The following SIPA1L3 variants were observed in gnomAD, a reference collection of about 807,000 sequenced individuals.
SIPA1L3 encodes the protein signal-induced proliferation-associated 1-like protein 3.
In SIPA1L3, 59 loss-of-function variants were observed where a neutral mutation model predicts 150.1. The ratio of observed to expected loss-of-function variants is 0.39; its 90% CI spans 0.32 to 0.49. The LOEUF is 0.49. Ranked by LOEUF, SIPA1L3 falls within the 20% of genes least tolerant of loss-of-function variation. SIPA1L3 has a pLI of 0.86. For missense variants in SIPA1L3, 2,211 were observed against 2,489.5 expected (o/e 0.89, Z 2.38); for synonymous variants, 1,070 against 1,077.6 (o/e 0.99, Z 0.14).
Position 38,182,697 on chromosome 19 carries a change from G to A in SIPA1L3, c.4387G>A (p.Glu1463Lys). The part of the protein sequence containing the change: ...NKHPTGWKRT[E>K]EPPPRPLPFS... ...GCACCCAACAGGGTGGAAGAGAACG[G>A]AGGAGCCCCCACCACGGCCACTCCC... Residue 1463 changes from glutamate to lysine, a missense_variant, in exon 16 of 22, where the codon GAG becomes AAG. Around this residue, in one of 5 missense-constraint regions of SIPA1L3, gnomAD observed 806 missense variants for 870.1 expected, o/e 0.93. Coordinates refer to ENST00000222345, the MANE Select transcript of SIPA1L3 (RefSeq NM_015073.3). 1 of 1,614,038 alleles carries A rather than the reference G, an allele frequency of 6.2e-7. No homozygotes were observed. Among genetic ancestry groups the A allele is most frequent in the Non-Finnish European group, 8.5e-7 (1 of 1,179,954 alleles).
intron 1 of SIPA1L3, among the ~76,000 whole-genome samples, chr19:37,910,982 A>G (rs1250425508): frequency 6.6e-6 from 1 of 152,136 alleles, no homozygotes; most frequent in African/African-American, 2.4e-5. Flanking sequence ...TTAGCTTAAA[A>G]AAAGTTATGC....
chr19:38,152,596 C>T (rs1205628407), intron 12 of SIPA1L3, among the ~76,000 whole-genome samples: 5 of 152,332 alleles, frequency 3.3e-5, no homozygotes, highest in South Asian at 2.1e-4. Context: ...CTTAGGAACC[C>T]GCCTTGCCCC....
At chr19:38,155,376 G>A (rs539775489) in intron 13 of SIPA1L3, among the ~76,000 whole-genome samples, 2 of 152,134 alleles carry the variant, frequency 1.3e-5, no homozygotes, top group Non-Finnish European at 2.9e-5. Context: ...GCACCCGGCT[G>A]GCTTTGTAAT....
chr19:38,144,692 T>C (rs1171078746), intron 12 of SIPA1L3, among the ~76,000 whole-genome samples: 1 of 152,256 alleles, frequency 6.6e-6, no homozygotes, highest in Non-Finnish European at 1.5e-5. Flanking sequence ...TCAAGAGCTT[T>C]CTGGCGTGCC....
intron 2 of SIPA1L3, among the ~76,000 whole-genome samples, chr19:38,042,908 G>A (rs1356089884): frequency 6.6e-6 from 1 of 152,160 alleles, no homozygotes; most frequent in Non-Finnish European, 1.5e-5. Context: ...GAATGTGTTG[G>A]AATCTCAGCC....
rs745842360 is a variant in SIPA1L3, at chr19:38,202,636, C to T, written c.5120+639C>T. 5.8e-4 allele frequency among the ~76,000 whole-genome samples: 89 copies of T among 152,146 alleles called. 1 individual carries two copies. The highest frequency in any genetic ancestry group is 1.8e-4 in the Non-Finnish European group (12 of 68,026). ...AAGCTGCTAGGCAGTGTCTCCCAAT[C>T]CCCCAGCCCTGTGCCTCTCGTCAGC... is the stretch of plus-strand genomic sequence containing the variant. On this transcript the variant is annotated intron_variant, in intron 20 of 21. Coordinates refer to ENST00000222345, the MANE Select transcript of SIPA1L3 (RefSeq NM_015073.3).
chr19:38,089,152 T>G (rs1970206436), intron 4 of SIPA1L3, among the ~76,000 whole-genome samples: 1 of 151,730 alleles, frequency 6.6e-6, no homozygotes, highest in African/African-American at 2.4e-5. Context: ...AAACCCCATC[T>G]CTACCAAAAA....
At chr19:37,980,250 G>A (rs1426167015) in intron 1 of SIPA1L3, among the ~76,000 whole-genome samples, 3 of 152,116 alleles carry the variant, frequency 2.0e-5, no homozygotes, top group Admixed American at 6.6e-5. Context: ...CTCCCCTTAC[G>A]TAATGATTTG....
rs58144975 is a variant in SIPA1L3, at chr19:38,022,972, C to T, written c.-378-6117C>T. Among the ~76,000 whole-genome samples the T allele has an allele frequency of 9.8e-3, 1,489 of 152,332 alleles. 23 individuals carry two copies. The highest frequency in any genetic ancestry group is 0.033 in the African/African-American group (1,388 of 41,562). On this transcript the variant is annotated intron_variant, in intron 1 of 21. Transcript: ENST00000222345. ...GTTTGTTCCCATTTCCACCCCCACC[C>T]GCAGTGACTGAGTGTTCCCCTTACT...
chr19:38,065,378 C>G (rs1383825832), intron 2 of SIPA1L3, among the ~76,000 whole-genome samples: 1 of 147,558 alleles, frequency 6.8e-6, no homozygotes, highest in African/African-American at 2.5e-5. Flanking sequence ...AGGGGTGACT[C>G]TCACTCTGCT....
chr19:38,141,479 G>A lies in SIPA1L3; in HGVS notation c.3395+44G>A, dbSNP rs751483843. 15 of 1,572,502 alleles carry A rather than the reference G, an allele frequency of 9.5e-6. No individual in the cohort carries two copies. In the East Asian group the frequency reaches 2.9e-4, roughly 31 times the overall value. ...GACCAATACTTCCCAACCCCCACCA[G>A]CCCACACCCATCCTCCGCCCCTCCC... On this transcript the variant is annotated intron_variant, in intron 11 of 21. Coordinates refer to ENST00000222345, the MANE Select transcript of SIPA1L3 (RefSeq NM_015073.3).
At chr19:38,068,020 ATTTTTT>A (rs35795522) in intron 2 of SIPA1L3, among the ~76,000 whole-genome samples, 1 of 135,970 alleles carries the variant, frequency 7.4e-6, no homozygotes. Flanking sequence ...GAAAAATCAG[ATTTTTT>A]TTTTTTTTTT....
intron 2 of SIPA1L3, among the ~76,000 whole-genome samples, chr19:38,067,542 A>C (rs555334596): frequency 3.9e-5 from 6 of 151,926 alleles, no homozygotes; most frequent in Non-Finnish European, 5.9e-5. Context: ...GCGGGCAGAT[A>C]ACCTGAGGTC....
chr19:38,151,701 A>T (rs1971825670), intron 12 of SIPA1L3, among the ~76,000 whole-genome samples: 1 of 152,088 alleles, frequency 6.6e-6, no homozygotes, highest in Admixed American at 6.6e-5. Flanking sequence ...GGTGGCTCAC[A>T]TCTGTAGTCC....
At chr19:38,165,205 A>C (rs1029400575) in intron 15 of SIPA1L3, among the ~76,000 whole-genome samples, 4 of 152,118 alleles carry the variant, frequency 2.6e-5, no homozygotes, top group African/African-American at 9.7e-5. Flanking sequence ...TGATACCAAA[A>C]GTTTTTATGC....
chr19:37,966,418 C>A (rs1450402286), intron 1 of SIPA1L3, among the ~76,000 whole-genome samples: 1 of 152,160 alleles, frequency 6.6e-6, no homozygotes, highest in African/African-American at 2.4e-5. Context: ...GCTACTGGGC[C>A]TCAGTTCATG....
At chr19:38,143,659 C>T (rs1028954690) in intron 12 of SIPA1L3, among the ~76,000 whole-genome samples, 2 of 151,554 alleles carry the variant, frequency 1.3e-5, no homozygotes, top group African/African-American at 4.9e-5. Context: ...CTGCCTCAGC[C>T]TCCCAAGTAG....
chr19:38,084,883 A>AC (rs1437908603), intron 3 of SIPA1L3, among the ~76,000 whole-genome samples: 2 of 151,776 alleles, frequency 1.3e-5, no homozygotes, highest in Non-Finnish European at 2.9e-5. Flanking sequence ...CAGGTGATCC[A>AC]CCCACCTTGG....
intron 12 of SIPA1L3, among the ~76,000 whole-genome samples, chr19:38,143,886 C>T (rs1971649285): frequency 1.3e-5 from 2 of 152,112 alleles, no homozygotes; most frequent in African/African-American, 2.4e-5. Context: ...CAAACCCTCC[C>T]ACCACTCCCA....
Sources: gnomAD v4.1 joint callset for allele counts (sites outside exome capture counted in the v4.1 genomes callset) on GRCh38, gnomAD v4.1.1 for gene constraint, gnomAD v4.1.1 regional missense constraint, MANE v1.5 for transcripts, NCBI Gene and HGNC (gene_info 2026-07-23, HGNC 2026-07-21) for gene names.